The following LRMDA variants were observed in gnomAD, a reference collection of about 807,000 sequenced individuals.
LRMDA encodes the protein leucine-rich melanocyte differentiation-associated protein.
LRMDA carries 18 observed loss-of-function variants against 29.8 expected under a neutral mutation model. That is an observed-to-expected ratio of 0.60 (90% CI 0.42 to 0.90). The LOEUF (loss-of-function observed/expected upper bound fraction) is 0.90, where lower values mean the gene tolerates loss of function less well. Ranked by LOEUF, LRMDA falls within the 40% of genes least tolerant of loss-of-function variation. LRMDA has a pLI of 0.00. For missense variants in LRMDA, 273 were observed against 273.9 expected (o/e 1.00, Z 0.02); for synonymous variants, 125 against 109.4 (o/e 1.14, Z -0.89).
At chr10:75,672,556 C>T (rs1252656381) in intron 2 of LRMDA, among the ~76,000 whole-genome samples, 3 of 19,942 alleles carry the variant, frequency 1.5e-4, no homozygotes, top group African/African-American at 8.9e-4. Flanking sequence ...CTCCCCTCCC[C>T]TCCCCTCCCC....
At chr10:75,918,899 A>G (rs1845979947) in intron 2 of LRMDA, among the ~76,000 whole-genome samples, 1 of 152,194 alleles carries the variant, frequency 6.6e-6, no homozygotes, top group Non-Finnish European at 1.5e-5. Context: ...GTGAAGAAAA[A>G]AAAAGATGGA....
At chr10:76,322,745 T>C (rs933364478) in intron 5 of LRMDA, among the ~76,000 whole-genome samples, 1 of 152,188 alleles carries the variant, frequency 6.6e-6, no homozygotes, top group Non-Finnish European at 1.5e-5. Flanking sequence ...TTTGGGTCTT[T>C]TTTTTAGCAA....
chr10:76,306,528 C>A (rs1015674701), intron 5 of LRMDA, among the ~76,000 whole-genome samples: 1 of 152,132 alleles, frequency 6.6e-6, no homozygotes. Context: ...AGGGGCTTAC[C>A]TAAGCTGTCC....
At chr10:76,382,127 C>T (rs1028113088) in intron 6 of LRMDA, among the ~76,000 whole-genome samples, 52 of 152,126 alleles carry the variant, frequency 3.4e-4, no homozygotes, top group African/African-American at 1.1e-3. Flanking sequence ...TTAGTTAATA[C>T]CGTACTACTT....
intron 6 of LRMDA, among the ~76,000 whole-genome samples, chr10:76,479,450 G>C (rs1167129056): frequency 6.6e-6 from 1 of 151,950 alleles, no homozygotes; most frequent in South Asian, 2.1e-4. Flanking sequence ...TTTGAACAAG[G>C]GTTCCTGCAT....
At chr10:75,872,283 C>T (rs974279381) in intron 2 of LRMDA, among the ~76,000 whole-genome samples, 3 of 151,526 alleles carry the variant, frequency 2.0e-5, no homozygotes, top group African/African-American at 7.3e-5. Flanking sequence ...CTGATTCGTT[C>T]TATTCTCTCT....
chr10:76,275,990 T>C (rs945148137), intron 5 of LRMDA, among the ~76,000 whole-genome samples: 2 of 151,990 alleles, frequency 1.3e-5, no homozygotes, highest in African/African-American at 2.4e-5. Context: ...CATTCTGTTA[T>C]TGAGACAATC....
At chr10:76,347,299 A>G (rs1424886764) in intron 6 of LRMDA, among the ~76,000 whole-genome samples, 1 of 152,172 alleles carries the variant, frequency 6.6e-6, no homozygotes, top group Non-Finnish European at 1.5e-5. Context: ...GCTTCTCTCC[A>G]CATTGGAATC....
intron 2 of LRMDA, among the ~76,000 whole-genome samples, chr10:75,537,237 C>T (rs898175591): frequency 2.0e-5 from 3 of 152,136 alleles, no homozygotes; most frequent in Non-Finnish European, 2.9e-5. Flanking sequence ...AACGTGCAAC[C>T]GCTGATGGAA....
chr10:75,813,326 A>C (rs1843997509), intron 2 of LRMDA, among the ~76,000 whole-genome samples: 1 of 152,166 alleles, frequency 6.6e-6, no homozygotes, highest in African/African-American at 2.4e-5. Context: ...CCACGGGGAG[A>C]AACTACCAGA....
chr10:75,555,354 T>G (rs1840201119), intron 2 of LRMDA, among the ~76,000 whole-genome samples: 1 of 152,160 alleles, frequency 6.6e-6, no homozygotes, highest in Admixed American at 6.5e-5. Context: ...AATATGTATC[T>G]TGGTTGGCTT....
intron 6 of LRMDA, among the ~76,000 whole-genome samples, chr10:76,329,297 A>G (rs1840875385): frequency 2.0e-5 from 3 of 152,224 alleles, no homozygotes; most frequent in Admixed American, 2.0e-4. Context: ...CACATCTACC[A>G]TAACCCTGCC....
At chr10:75,868,991 G>A (rs1407363640) in intron 2 of LRMDA, among the ~76,000 whole-genome samples, 1 of 152,218 alleles carries the variant, frequency 6.6e-6, no homozygotes, top group Non-Finnish European at 1.5e-5. Flanking sequence ...GAGGTCACAG[G>A]TAAGGCAAGC....
chr10:76,363,165 G>GAAAA (rs1589151572), intron 6 of LRMDA, among the ~76,000 whole-genome samples: 1 of 39,610 alleles, frequency 2.5e-5, no homozygotes, highest in African/African-American at 1.0e-4. Context: ...AAGAAAGAAA[G>GAAAA]AAAGAAAGAA....
At chr10:75,969,964 A>G (rs1419821526) in intron 2 of LRMDA, among the ~76,000 whole-genome samples, 2 of 152,206 alleles carry the variant, frequency 1.3e-5, no homozygotes, top group Non-Finnish European at 2.9e-5. Flanking sequence ...ATTGTCTGAG[A>G]TAGACCTCAA....
chr10:75,677,780 G>A (rs1412446893), intron 2 of LRMDA, among the ~76,000 whole-genome samples: 1 of 152,136 alleles, frequency 6.6e-6, no homozygotes, highest in Non-Finnish European at 1.5e-5. Flanking sequence ...ACTATGCACT[G>A]AGTTAAATCC....
chr10:76,479,478 C>G (rs909224069), intron 6 of LRMDA, among the ~76,000 whole-genome samples: 2 of 151,758 alleles, frequency 1.3e-5, no homozygotes, highest in African/African-American at 4.8e-5. Flanking sequence ...TTGGGGGGTC[C>G]TATGAAGAAT....
At chr10:75,589,261 C>A (rs1465128587) in intron 2 of LRMDA, among the ~76,000 whole-genome samples, 3 of 152,216 alleles carry the variant, frequency 2.0e-5, no homozygotes, top group African/African-American at 7.2e-5. Flanking sequence ...GCATCACCAA[C>A]AGAGCATGTT....
intron 2 of LRMDA, among the ~76,000 whole-genome samples, chr10:76,025,699 T>G (rs1005077770): frequency 3.3e-5 from 5 of 152,124 alleles, no homozygotes; most frequent in Admixed American, 2.6e-4. Flanking sequence ...TTCCTTATGT[T>G]CCCTCACCAC....
Sources: gnomAD v4.1 joint callset for allele counts (sites outside exome capture counted in the v4.1 genomes callset) on GRCh38, gnomAD v4.1.1 for gene constraint, MANE v1.5 for transcripts, NCBI Gene and HGNC (gene_info 2026-07-23, HGNC 2026-07-21) for gene names.